PC: variants seen among roughly 807,000 people sequenced by gnomAD.
PC encodes pyruvate carboxylase.
A neutral mutation model predicts 107.8 loss-of-function variants in PC; 46 were observed. That is an observed-to-expected ratio of 0.43 (90% CI 0.34 to 0.55). PC has a LOEUF of 0.55. PC is among the 20% of genes least tolerant of loss of function. PC has a pLI of 0.04. For synonymous variants in PC, 662 were observed against 684.7 expected (o/e 0.97, Z 0.52); for missense variants, 1,241 against 1,643.1 (o/e 0.76, Z 4.23).
chr11:66,919,492 T>C (rs1948543799), intron 3 of PC, among the ~76,000 whole-genome samples: 1 of 152,224 alleles, frequency 6.6e-6, no homozygotes, highest in African/African-American at 2.4e-5. Flanking sequence ...CCTGTGACTC[T>C]GAGATCTCCA....
At position 66,936,823 on chromosome 11, in the gene PC, A is replaced by G. The variant is rs1258665764; in HGVS notation, c.-1+15607T>C. ...AGAAAAACTTGGGGAAGGGAACTCT[A>G]TAAAAGATAGGTCTTCTTTTTTTTT... On this transcript the variant is annotated intron_variant, in intron 3 of 22. Transcript: ENST00000393960. Among the ~76,000 whole-genome samples, 3 of 152,140 alleles carry G rather than the reference A, an allele frequency of 2.0e-5. No homozygotes were observed. The South Asian group carries it at 6.2e-4, about 31-fold the overall frequency.
chr11:66,927,793 G>A (rs1334391395), intron 3 of PC, among the ~76,000 whole-genome samples: 1 of 151,952 alleles, frequency 6.6e-6, no homozygotes, highest in Non-Finnish European at 1.5e-5. Context: ...AGAAAGGGCT[G>A]GATGGTGTCA....
chr11:66,870,727 TCAGCTCCCGCCTC>T lies in PC; in HGVS notation c.751+35_751+47del. ...TGTGACGGCACCAGGACTGGGCCTC[TCAGCTCCCGCCTC>T]CAGCTGCCCCAGGCGGGGCGTCAGG... On this transcript the variant is annotated intron_variant, in intron 8 of 22. Coordinates refer to ENST00000393960, the MANE Select transcript of PC (RefSeq NM_001040716.2). The surrounding 1 kb of genome is among the most constrained non-coding windows in gnomAD (Gnocchi z 6.1). 6.4e-7 allele frequency: 1 copy of T among 1,551,328 alleles called. No homozygotes were observed.
chr11:66,860,640 G>C, intron 12 of PC: 1 of 701,756 alleles, frequency 1.4e-6, no homozygotes, highest in Non-Finnish European at 2.6e-6. Flanking sequence ...CCAGGGCTGC[G>C]GCCAAGGGCT....
At chr11:66,884,140 A>G (rs1591221607) in intron 3 of PC, among the ~76,000 whole-genome samples, 1 of 151,948 alleles carries the variant, frequency 6.6e-6, no homozygotes, top group Middle Eastern at 3.4e-3. Flanking sequence ...GCTACTTGGG[A>G]GGCTGAGGCA....
chr11:66,882,764 C>T (rs571829158), intron 3 of PC, among the ~76,000 whole-genome samples: 3 of 152,278 alleles, frequency 2.0e-5, no homozygotes, highest in African/African-American at 7.2e-5. Flanking sequence ...CGGATGGGGC[C>T]GCTCTCCCCA....
In PC at chr11:66,857,047, C is replaced by T. The variant is rs1945890984; in HGVS notation, c.1369-3664G>A. 6.8e-6 allele frequency: 1 copy of T among 146,678 alleles called. No individual in the cohort carries two copies. Among genetic ancestry groups the T allele is most frequent in the South Asian group, 2.1e-4 (1 of 4,812 alleles). The allele number at this position is 146,678 out of a possible 1,614,324, so 9.1% of individuals were successfully genotyped here. A position where few individuals can be genotyped will look rare whatever the true frequency, so the allele number is the denominator to read the frequency against. On this transcript the variant is annotated intron_variant, in intron 12 of 22. Coordinates refer to ENST00000393960, the MANE Select transcript of PC (RefSeq NM_001040716.2). The surrounding 1 kb of genome is among the most constrained non-coding windows in gnomAD (Gnocchi z 7.1). ...CCCCGTCCGCCCTCCACGTGCGTGTCCGCGGCGCGCGCGCCCGCCGGCGCG... is the reference window on the plus strand; with the variant it reads ...CCCCGTCCGCCCTCCACGTGCGTGTTCGCGGCGCGCGCGCCCGCCGGCGCG...
At chr11:66,925,916 G>A (rs1948705583) in intron 3 of PC, among the ~76,000 whole-genome samples, 1 of 150,678 alleles carries the variant, frequency 6.6e-6, no homozygotes, top group South Asian at 2.1e-4. Context: ...GCAACAGGGA[G>A]GGGAGTTAAA....
chr11:66,928,980 T>C (rs1385527313), intron 3 of PC, among the ~76,000 whole-genome samples: 2 of 152,198 alleles, frequency 1.3e-5, no homozygotes, highest in African/African-American at 4.8e-5. Context: ...AAAGGGCCTG[T>C]GTATGATTCC....
chr11:66,925,379 T>G (rs1948692955), intron 3 of PC, among the ~76,000 whole-genome samples: 1 of 152,104 alleles, frequency 6.6e-6, no homozygotes, highest in African/African-American at 2.4e-5. Flanking sequence ...AGGCCTACCC[T>G]CAGGGACGCA....
intron 3 of PC, among the ~76,000 whole-genome samples, chr11:66,943,710 C>T (rs1434131329): frequency 4.1e-5 from 5 of 123,270 alleles, no homozygotes; most frequent in Non-Finnish European, 8.0e-5. Flanking sequence ...GAGCAGAGAT[C>T]GCGCCACTGC....
In PC at chr11:66,888,324, C is replaced by T. The variant is rs1001398243; in HGVS notation, c.1-16165G>A. On this transcript the variant is annotated intron_variant, in intron 3 of 22. Transcript: ENST00000393960. ...TGGAGTCCTCTATCCAGTTAGACTACTAATCCAGTGGGGGTAAAATACCAA... is the reference window on the plus strand; with the variant it reads ...TGGAGTCCTCTATCCAGTTAGACTATTAATCCAGTGGGGGTAAAATACCAA... Among the ~76,000 whole-genome samples the T allele has an allele frequency of 2.0e-4, 31 of 152,242 alleles. 1 individual carries two copies. Among genetic ancestry groups the T allele is most frequent in the Admixed American group, 6.5e-5 (1 of 15,284 alleles).
At position 66,849,021 on chromosome 11, in the gene PC, C is replaced by T; in HGVS notation, c.3415G>A (p.Val1139Met). Reference protein sequence around the residue: ...AKVAKGQPLCVLSAMKMETVV... With the variant: ...AKVAKGQPLCMLSAMKMETVV... ...GTCTCCATCTTCATGGCACTGAGCACACACAGGGGCTGGCCCTTGGCCACC... is the reference window on the plus strand; with the variant it reads ...GTCTCCATCTTCATGGCACTGAGCATACACAGGGGCTGGCCCTTGGCCACC... The change falls in exon 23 of 23, where the codon GTG becomes ATG. Residue 1139 changes from valine (V) to methionine (M), a missense_variant. By Grantham distance (21) the Val-to-Met change is conservative. This residue lies in a region of PC where 98 missense variants were observed against 91.2 expected (regional missense o/e 1.07). Transcript: ENST00000393960. 6.2e-7 allele frequency: 1 copy of T among 1,614,132 alleles called. No homozygotes were observed. The highest frequency in any genetic ancestry group is 1.3e-5 in the African/African-American group (1 of 75,082).
At chr11:66,865,331 G>A (rs1009763109) in intron 11 of PC, among the ~76,000 whole-genome samples, 2 of 152,370 alleles carry the variant, frequency 1.3e-5, no homozygotes, top group South Asian at 4.1e-4. Flanking sequence ...TTGGACTCTG[G>A]AGCAAAGCTG....
At chr11:66,909,499 T>G (rs974615274) in intron 3 of PC, among the ~76,000 whole-genome samples, 11 of 152,176 alleles carry the variant, frequency 7.2e-5, no homozygotes, top group African/African-American at 2.7e-4. Flanking sequence ...CAGCTCTGCC[T>G]GCAATGAGCA....
Position 66,858,380 on chromosome 11 carries a change from G to A in PC, c.1369-4997C>T, listed in dbSNP as rs757156530. 6 of 1,577,304 alleles carry A rather than the reference G, an allele frequency of 3.8e-6. No individual in the cohort carries two copies. The highest frequency in any genetic ancestry group is 5.1e-6 in the Non-Finnish European group (6 of 1,166,490). On this transcript the variant is annotated intron_variant, in intron 12 of 22. Transcript: ENST00000393960. This position sits in a 1 kb window ranked among gnomAD's most constrained non-coding sequence, Gnocchi z 5.9. ...GCCTGGCCACGCTGGCTCCGGACCCGCTTTTCTCTCGTGGGCGTGATGCAG... is the reference window on the plus strand; with the variant it reads ...GCCTGGCCACGCTGGCTCCGGACCCACTTTTCTCTCGTGGGCGTGATGCAG...
chr11:66,851,512 C>T (rs1945490486), intron 16 of PC, among the ~76,000 whole-genome samples: 1 of 152,180 alleles, frequency 6.6e-6, no homozygotes, highest in African/African-American at 2.4e-5. Flanking sequence ...AGCAAGGAGT[C>T]TTGAGGCCTG....
rs773369359 is a variant in PC, at chr11:66,870,364, C to T, written c.841G>A (p.Ala281Thr). 2.4e-5 allele frequency: 38 copies of T among 1,613,416 alleles called. No individual in the cohort carries two copies. In the Middle Eastern group the frequency reaches 4.9e-4, roughly 21 times the overall value. The change falls in exon 9 of 23, where the codon GCC (alanine) becomes ACC (threonine). Residue 281 changes from alanine to threonine, a missense_variant. Ala to Thr is a moderately conservative substitution (Grantham distance 58, BLOSUM62 0). This residue lies in a region of PC where 1,143 missense variants were observed against 1,551.9 expected (regional missense o/e 0.74). Coordinates refer to ENST00000393960, the MANE Select transcript of PC (RefSeq NM_001040716.2). This position sits in a 1 kb window ranked among gnomAD's most constrained non-coding sequence, Gnocchi z 6.1. ...GTCCGAAGCTGCGGGTCCAGGTGGG[C>T]GGCGGGGGCAATCTCGACCACCTTC... ...HQKVVEIAPA[A>T]HLDPQLRTRL...
chr11:66,851,930 G>A lies in PC; in HGVS notation c.1842C>T (p.Val614=), dbSNP rs142817472. The change falls in exon 16 of 23, where the codon GTC becomes GTT. Residue 614 remains valine, a synonymous_variant. Coordinates refer to ENST00000393960, the MANE Select transcript of PC (RefSeq NM_001040716.2). The part of the protein sequence containing the change: ...MENWGGATFD[V]AMRFLYECPW... ...GGCACTCATACAGGAAGCGCATGGC[G>A]ACGTCAAACGTGGCTCCTGCACAGG... 4.2e-5 allele frequency: 68 copies of A among 1,613,996 alleles called. 1 individual carries two copies. In the South Asian group the frequency reaches 5.8e-4, roughly 14 times the overall value.
Sources: allele counts gnomAD v4.1 joint callset (sites outside exome capture counted in the v4.1 genomes callset), GRCh38; gene constraint gnomAD v4.1.1; regional missense constraint gnomAD v4.1.1; non-coding constraint Gnocchi (gnomAD v3.1); transcripts MANE v1.5; gene names NCBI Gene and HGNC (gene_info 2026-07-23, HGNC 2026-07-21).